Variants in B3GALT1 observed in about 807,000 individuals in gnomAD.
The protein encoded by B3GALT1 is beta-1,3-galactosyltransferase 1, also known as UDP-Gal:betaGlcNAc beta 1,3-galactosyltransferase, polypeptide 1.
B3GALT1 carries 10 observed loss-of-function variants against 23.2 expected under a neutral mutation model. The ratio of observed to expected loss-of-function variants is 0.43; its 90% CI spans 0.27 to 0.73. The LOEUF is 0.73. Among genes scored for constraint, B3GALT1 ranks in the 30% least tolerant of loss-of-function variants. B3GALT1 has a pLI of 0.21. For synonymous variants in B3GALT1, 156 were observed against 141.5 expected (o/e 1.10, Z -0.73); for missense variants, 299 against 405.4 (o/e 0.74, Z 2.25).
rs199670599 is a variant in B3GALT1, at chr2:167,426,276, CTTT to C, written c.-510-63887_-510-63885del. On this transcript the variant is annotated intron_variant, in intron 1 of 4. Coordinates refer to ENST00000392690, the MANE Select transcript of B3GALT1 (RefSeq NM_020981.4). Reference sequence around the variant, plus strand: ...GGGCATTCAGGATTTGTTTATCATTCTTTTTTTTTTTTTTTTGAGATGGAGTCT... The same window carrying C: ...GGGCATTCAGGATTTGTTTATCATTCTTTTTTTTTTTTTGAGATGGAGTCT... Among the ~76,000 whole-genome samples, 540 of 137,560 alleles carry C rather than the reference CTTT, an allele frequency of 3.9e-3. 3 individuals are homozygous for C. The highest frequency in any genetic ancestry group is 0.014 in the African/African-American group (516 of 37,626). The allele number at this position is 137,560 out of a possible 152,430, so 90.2% of individuals were successfully genotyped here. A position where few individuals can be genotyped will look rare whatever the true frequency, so the allele number is the denominator to read the frequency against.
intron 3 of B3GALT1, among the ~76,000 whole-genome samples, chr2:167,795,723 T>C (rs549654175): frequency 2.6e-5 from 4 of 152,328 alleles, no homozygotes; most frequent in Admixed American, 1.3e-4. Flanking sequence ...CTGACTGTCC[T>C]ACCACTGGTT....
intron 3 of B3GALT1, among the ~76,000 whole-genome samples, chr2:167,722,488 G>A (rs950249897): frequency 3.3e-5 from 5 of 152,252 alleles, no homozygotes; most frequent in Admixed American, 6.5e-5. Flanking sequence ...AGAAATCTTC[G>A]TTCCTTTTGA....
intron 1 of B3GALT1, among the ~76,000 whole-genome samples, chr2:167,329,127 T>G (rs1464859933): frequency 6.6e-6 from 1 of 152,192 alleles, no homozygotes; most frequent in Non-Finnish European, 1.5e-5. Context: ...TCTTTATACT[T>G]TTTAAATGTA....
At chr2:167,862,542 A>G (rs1054940534) in intron 4 of B3GALT1, among the ~76,000 whole-genome samples, 1 of 152,182 alleles carries the variant, frequency 6.6e-6, no homozygotes, top group Non-Finnish European at 1.5e-5. Context: ...ACCCTCACAG[A>G]CACACCCAGA....
chr2:167,392,231 T>A lies in B3GALT1; in HGVS notation c.-510-97946T>A, dbSNP rs976391045. ...TTTCTATAAACTTTTAACAATTATC[T>A]AACTTGGGAAGTTTGCCCTCGATGA... On this transcript the variant is annotated intron_variant, in intron 1 of 4. Transcript: ENST00000392690. Among the ~76,000 whole-genome samples the A allele has an allele frequency of 2.2e-4, 33 of 152,064 alleles. 1 individual carries two copies. The highest frequency in any genetic ancestry group is 5.9e-5 in the Non-Finnish European group (4 of 68,018).
intron 2 of B3GALT1, among the ~76,000 whole-genome samples, chr2:167,645,738 C>A (rs1288136357): frequency 1.3e-5 from 2 of 151,304 alleles, no homozygotes; most frequent in East Asian, 3.9e-4. Context: ...TGGCTCATTT[C>A]TTTTGTATTT....
At position 167,869,432 on chromosome 2, in the gene B3GALT1, G is replaced by C. The variant is rs764084910; in HGVS notation, c.393G>C (p.Glu131Asp). Reference sequence around the variant, plus strand: ...ATCCTGTTCTCAATCAGATGGTGGAGCAAGAGAGCCAAATCTTCCATGATA... The same window carrying C: ...ATCCTGTTCTCAATCAGATGGTGGACCAAGAGAGCCAAATCTTCCATGATA... ...NADPVLNQMV[E>D]QESQIFHDII... The change falls in exon 5 of 5, where the codon GAG becomes GAC. Residue 131 changes from glutamate to aspartate, a missense_variant. Glu to Asp is a conservative substitution (Grantham distance 45, BLOSUM62 2). Around this residue, in one of 3 missense-constraint regions of B3GALT1, gnomAD observed 162 missense variants for 184.1 expected, o/e 0.88. Transcript: ENST00000392690. This position sits in a 1 kb window ranked among gnomAD's most constrained non-coding sequence, Gnocchi z 6.4. 1.2e-6 allele frequency: 2 copies of C among 1,614,074 alleles called. No homozygotes were observed. The highest frequency in any genetic ancestry group is 2.2e-5 in the South Asian group (2 of 91,072).
chr2:167,477,810 G>C (rs374065859), intron 1 of B3GALT1, among the ~76,000 whole-genome samples: 2 of 152,144 alleles, frequency 1.3e-5, no homozygotes, highest in African/African-American at 4.8e-5. Context: ...ACATTCCATT[G>C]AATCATCAAT....
intron 1 of B3GALT1, among the ~76,000 whole-genome samples, chr2:167,393,183 G>A (rs1055263026): frequency 1.3e-5 from 2 of 151,148 alleles, no homozygotes; most frequent in Non-Finnish European, 2.9e-5. Flanking sequence ...GCAGTGAGCC[G>A]AGATTGCGCC....
chr2:167,659,352 G>A (rs1686017032), intron 3 of B3GALT1, among the ~76,000 whole-genome samples: 2 of 151,728 alleles, frequency 1.3e-5, no homozygotes, highest in Admixed American at 1.3e-4. Context: ...AAGTACTACG[G>A]GGTAGTTCAA....
chr2:167,811,597 C>G (rs1227225404), intron 3 of B3GALT1, among the ~76,000 whole-genome samples: 1 of 152,166 alleles, frequency 6.6e-6, no homozygotes. Context: ...TTGATCAATT[C>G]TCATTCAAGA....
At chr2:167,329,141 G>GT (rs1223138875) in intron 1 of B3GALT1, among the ~76,000 whole-genome samples, 10 of 152,092 alleles carry the variant, frequency 6.6e-5, no homozygotes, top group Admixed American at 5.9e-4. Context: ...AAATGTAGGT[G>GT]TTTTTTGCTA....
chr2:167,805,386 A>G (rs1487008563), intron 3 of B3GALT1, among the ~76,000 whole-genome samples: 2 of 152,096 alleles, frequency 1.3e-5, no homozygotes, highest in Admixed American at 6.5e-5. Context: ...GGTGTTTTAG[A>G]CATGAAGTCC....
intron 3 of B3GALT1, chr2:167,714,743 T>C: frequency 1.9e-6 from 3 of 1,613,862 alleles, no homozygotes; most frequent in Non-Finnish European, 2.5e-6. Flanking sequence ...TCTCTCCAAT[T>C]CTTCTTCAAG....
chr2:167,293,519 G>T (rs762244569), intron 1 of B3GALT1, among the ~76,000 whole-genome samples, 185 bp downstream of exon 1: 7 of 152,142 alleles, frequency 4.6e-5, no homozygotes, highest in African/African-American at 1.7e-4. Flanking sequence ...TCTCCCTTCC[G>T]CGCTCACAGA....
At chr2:167,725,127 G>A (rs1022717835) in intron 3 of B3GALT1, among the ~76,000 whole-genome samples, 3 of 152,166 alleles carry the variant, frequency 2.0e-5, no homozygotes, top group Non-Finnish European at 4.4e-5. Context: ...GCTCGCTCCT[G>A]TATTCTGATG....
chr2:167,771,872 G>A (rs1408345043), intron 3 of B3GALT1, among the ~76,000 whole-genome samples: 1 of 152,182 alleles, frequency 6.6e-6, no homozygotes, highest in Non-Finnish European at 1.5e-5. Flanking sequence ...CCCTTCTCAT[G>A]CATATTGGCA....
intron 2 of B3GALT1, among the ~76,000 whole-genome samples, chr2:167,548,222 A>G (rs1383441473): frequency 2.0e-5 from 3 of 152,190 alleles, no homozygotes; most frequent in East Asian, 1.9e-4. Context: ...GCCCAGATCT[A>G]CCTTCTTCCT....
At position 167,459,561 on chromosome 2, in the gene B3GALT1, C is replaced by G. The variant is rs151042240; in HGVS notation, c.-510-30616C>G. On this transcript the variant is annotated intron_variant, in intron 1 of 4. Transcript: ENST00000392690. ...GTTACAAACCAAAGTTATAAGAATA[C>G]TAGCTTTGGACTAATAATTTTTTTC... Among the ~76,000 whole-genome samples, 997 of 152,224 alleles carry G rather than the reference C, an allele frequency of 6.5e-3. 13 individuals carry two copies. The highest frequency in any genetic ancestry group is 0.023 in the African/African-American group (951 of 41,534).
Sources: gnomAD v4.1 joint callset for allele counts (sites outside exome capture counted in the v4.1 genomes callset) on GRCh38, gnomAD v4.1.1 for gene constraint, gnomAD v4.1.1 regional missense constraint, Gnocchi (gnomAD v3.1) non-coding constraint, MANE v1.5 for transcripts, NCBI Gene and HGNC (gene_info 2026-07-23, HGNC 2026-07-21) for gene names.